DIS3L2: variants seen among roughly 807,000 people sequenced by gnomAD.
DIS3L2 encodes DIS3-like exonuclease 2.
In DIS3L2, 34 loss-of-function variants were observed where a neutral mutation model predicts 97.5. The ratio of observed to expected loss-of-function variants is 0.35; its 90% CI spans 0.27 to 0.46. The LOEUF is 0.46. Among genes scored for constraint, DIS3L2 ranks in the 20% least tolerant of loss-of-function variants. DIS3L2 has a pLI of 1.00. For missense variants in DIS3L2, 1,038 were observed against 1,146.0 expected (o/e 0.91, Z 1.36); for synonymous variants, 435 against 445.2 (o/e 0.98, Z 0.29).
intron 10 of DIS3L2, among the ~76,000 whole-genome samples, chr2:232,213,957 G>C (rs1300762337): frequency 1.3e-5 from 2 of 152,188 alleles, no homozygotes; most frequent in African/African-American, 4.8e-5. Context: ...CAGCTTGGAA[G>C]GGATTCTACT....
chr2:232,250,564 G>A (rs1693388019), intron 12 of DIS3L2, among the ~76,000 whole-genome samples: 1 of 151,978 alleles, frequency 6.6e-6, no homozygotes, highest in East Asian at 1.9e-4. Flanking sequence ...ATTCTAGAAA[G>A]TGGGGGAGGG....
chr2:232,290,556 C>G (rs747914684), intron 13 of DIS3L2, among the ~76,000 whole-genome samples: 3 of 152,204 alleles, frequency 2.0e-5, no homozygotes, highest in Non-Finnish European at 4.4e-5. Flanking sequence ...TCTCCTGGGA[C>G]TGGCTCCTTC....
intron 14 of DIS3L2, among the ~76,000 whole-genome samples, chr2:232,308,785 C>T (rs1695047036): frequency 6.6e-6 from 1 of 152,194 alleles, no homozygotes; most frequent in African/African-American, 2.4e-5. Flanking sequence ...ATGCCCCCTG[C>T]CCGTGGGGGC....
At chr2:232,328,274 G>C (rs1695632074) in intron 14 of DIS3L2, among the ~76,000 whole-genome samples, 1 of 152,206 alleles carries the variant, frequency 6.6e-6, no homozygotes, top group Non-Finnish European at 1.5e-5. Flanking sequence ...GCCCAAAAAA[G>C]TCCCCACTAG....
chr2:232,171,604 C>A (rs1690993048), intron 9 of DIS3L2, among the ~76,000 whole-genome samples: 1 of 152,138 alleles, frequency 6.6e-6, no homozygotes, highest in African/African-American at 2.4e-5. Context: ...CCAAGGGAAC[C>A]CCTTCTTCCC....
At chr2:232,109,167 G>A (rs554035654) in intron 6 of DIS3L2, among the ~76,000 whole-genome samples, 25 of 152,182 alleles carry the variant, frequency 1.6e-4, no homozygotes, top group South Asian at 1.5e-3. Context: ...TACTACAGGG[G>A]CCAGGCGGTG....
chr2:232,121,632 C>T (rs943939361), intron 6 of DIS3L2, among the ~76,000 whole-genome samples: 8 of 152,194 alleles, frequency 5.3e-5, no homozygotes, highest in African/African-American at 9.7e-5. Flanking sequence ...GTGGCTCACA[C>T]GCCTTAGTGT....
chr2:232,198,949 A>G (rs141041498), intron 9 of DIS3L2, among the ~76,000 whole-genome samples: 1 of 152,270 alleles, frequency 6.6e-6, no homozygotes, highest in Non-Finnish European at 1.5e-5. Context: ...CCCTTACTGT[A>G]TTCTAATGTT....
chr2:232,014,901 G>C lies in DIS3L2; in HGVS notation c.-27G>C. The C allele has an allele frequency of 6.2e-7, 1 of 1,613,506 alleles. No individual in the cohort carries two copies. The highest frequency in any genetic ancestry group is 8.5e-7 in the Non-Finnish European group (1 of 1,179,686). On this transcript the variant is annotated 5_prime_UTR_variant, in exon 2 of 21. Transcript: ENST00000325385. Reference sequence around the variant, plus strand: ...AGCAGTGGAGGTTTCTCTGGATCTGGAGAGAAGAGTGACCTTGGAGCCAAT... The same window carrying C: ...AGCAGTGGAGGTTTCTCTGGATCTGCAGAGAAGAGTGACCTTGGAGCCAAT...
At chr2:232,313,045 AAAT>A (rs202187500) in intron 14 of DIS3L2, among the ~76,000 whole-genome samples, 1,717 of 152,272 alleles carry the variant, frequency 0.011, 31 homozygotes, top group African/African-American at 0.038. Context: ...TGTCATCTGC[AAAT>A]AATGACAGTT....
intron 9 of DIS3L2, among the ~76,000 whole-genome samples, chr2:232,193,223 A>T (rs1285220470): frequency 6.6e-6 from 1 of 152,224 alleles, no homozygotes; most frequent in African/African-American, 2.4e-5. Flanking sequence ...ACCTAATGTG[A>T]CTAGCACAGT....
At chr2:232,333,203 T>TCCTCCTCCGCTGTCG (rs1559218552) in intron 16 of DIS3L2, among the ~76,000 whole-genome samples, 1 of 70,468 alleles carries the variant, frequency 1.4e-5, no homozygotes, top group Non-Finnish European at 2.4e-5. Context: ...CTCCTCCTCC[T>TCCTCCTCCGCTGTCG]CCTCCTCCTC....
intron 1 of DIS3L2, among the ~76,000 whole-genome samples, chr2:231,977,010 G>A (rs1049788191): frequency 2.0e-5 from 3 of 151,760 alleles, no homozygotes; most frequent in Non-Finnish European, 2.9e-5. Context: ...CTCGTGATCC[G>A]CCCGCCTCAG....
At chr2:232,232,484 T>C (rs1450048109) in intron 10 of DIS3L2, among the ~76,000 whole-genome samples, 1 of 152,156 alleles carries the variant, frequency 6.6e-6, no homozygotes, top group Non-Finnish European at 1.5e-5. Flanking sequence ...GGAAGACATA[T>C]GGGCAGATGT....
At chr2:232,013,540 T>A (rs1694271248) in intron 1 of DIS3L2, among the ~76,000 whole-genome samples, 1 of 152,232 alleles carries the variant, frequency 6.6e-6, no homozygotes, top group East Asian at 1.9e-4. Context: ...TCTTAGTTCT[T>A]TAAAATCTCT....
chr2:232,262,880 C>G (rs1693747281), intron 12 of DIS3L2, among the ~76,000 whole-genome samples: 2 of 152,198 alleles, frequency 1.3e-5, no homozygotes, highest in Non-Finnish European at 2.9e-5. Context: ...CTACTACTCT[C>G]AGTGTCGACA....
intron 5 of DIS3L2, among the ~76,000 whole-genome samples, chr2:232,078,122 C>T (rs565354297): frequency 2.6e-5 from 4 of 151,426 alleles, no homozygotes; most frequent in African/African-American, 9.7e-5. Context: ...TGGCTCACTG[C>T]AACCACCACC....
intron 9 of DIS3L2, among the ~76,000 whole-genome samples, chr2:232,181,979 A>G (rs75954989): frequency 0.015 from 2,349 of 152,092 alleles, 63 homozygotes; most frequent in African/African-American, 0.054. Flanking sequence ...ATTTATTTGT[A>G]GAAGTGAGGT....
At position 232,244,233 on chromosome 2, in the gene DIS3L2, G is replaced by A. The variant is rs764072875; in HGVS notation, c.1318-5006G>A. Among the ~76,000 whole-genome samples, 10 of 152,206 alleles carry A rather than the reference G, an allele frequency of 6.6e-5. No individual in the cohort carries two copies. The East Asian group carries it at 1.9e-3, about 29-fold the overall frequency. On this transcript the variant is annotated intron_variant, in intron 11 of 20. Transcript: ENST00000325385. ...ATCTAGGCTTGGGAAGTGATTGGAT[G>A]TAGAAGGGAGAGAGAGGAGAGTGAA...
Sources: allele counts gnomAD v4.1 joint callset (sites outside exome capture counted in the v4.1 genomes callset), GRCh38; gene constraint gnomAD v4.1.1; transcripts MANE v1.5; gene names NCBI Gene and HGNC (gene_info 2026-07-23, HGNC 2026-07-21).